Variants in HSD11B1L observed in about 807,000 individuals in gnomAD.
HSD11B1L encodes hydroxysteroid 11-beta-dehydrogenase 1-like protein.
Under a neutral mutation model 27.0 loss-of-function variants are expected in HSD11B1L, and 22 were observed. That is an observed-to-expected ratio of 0.81 (90% confidence interval 0.58 to 1.16). The LOEUF (loss-of-function observed/expected upper bound fraction) is 1.16, where lower values mean the gene tolerates loss of function less well. Ranked by LOEUF, HSD11B1L falls within the 50% of genes most tolerant of loss-of-function variation. HSD11B1L has a pLI of 0.00. For missense variants in HSD11B1L, 372 were observed against 401.8 expected (o/e 0.93, Z 0.63); for synonymous variants, 187 against 189.2 (o/e 0.99, Z 0.09).
At position 5,687,117 on chromosome 19, in the gene HSD11B1L, C is replaced by A; in HGVS notation, c.408+126C>A. ...CCACCCGTCCCGCCCCAGCCACGCC[C>A]CTCCTAGCCCAAGCCCCTGCTCCGG... is the stretch of plus-strand genomic sequence containing the variant. On this transcript the variant is annotated intron_variant, in intron 5 of 7. Coordinates refer to ENST00000339423, the MANE Select transcript of HSD11B1L (RefSeq NM_198706.3). This position sits in a 1 kb window ranked among gnomAD's most constrained non-coding sequence, Gnocchi z 6.6. 1 of 1,122,166 alleles carries A rather than the reference C, an allele frequency of 8.9e-7. No homozygotes were observed. Among genetic ancestry groups the A allele is most frequent in the Non-Finnish European group, 1.3e-6 (1 of 787,698 alleles). 69.5% of individuals were successfully genotyped at this position (1,122,166 alleles called of 1,614,324 possible).
intron 1 of HSD11B1L, chr19:5,684,174 C>A: frequency 2.6e-6 from 1 of 389,096 alleles, no homozygotes. Context: ...TGCCACCGCG[C>A]CCGGCTAATT....
rs368505697 is a variant in HSD11B1L, at chr19:5,687,267, G to A, written c.409-15G>A. 6.2e-7 allele frequency: 1 copy of A among 1,611,372 alleles called. No homozygotes were observed. The highest frequency in any genetic ancestry group is 8.5e-7 in the Non-Finnish European group (1 of 1,179,480). On this transcript the variant is annotated splice_polypyrimidine_tract_variant and intron_variant, in intron 5 of 7. Coordinates refer to ENST00000339423, the MANE Select transcript of HSD11B1L (RefSeq NM_198706.3). This position sits in a 1 kb window ranked among gnomAD's most constrained non-coding sequence, Gnocchi z 6.6. ...GGCTCCGCCTCTGCCGGTGACTCGCGAGTGCCGCCTGCAGGTAAACTTTGT... is the reference window on the plus strand; with the variant it reads ...GGCTCCGCCTCTGCCGGTGACTCGCAAGTGCCGCCTGCAGGTAAACTTTGT...
rs2054727015 is a variant in HSD11B1L, at chr19:5,687,367, C to T, written c.494C>T (p.Ser165Leu). 3.1e-6 allele frequency: 5 copies of T among 1,612,022 alleles called. No individual in the cohort carries two copies. Among genetic ancestry groups the T allele is most frequent in the Non-Finnish European group, 4.2e-6 (5 of 1,179,638 alleles). ...AAGGGCTCCCTGGTGGTGGTGTCCT[C>T]GCTGCTCGGTGCGTGCACCCGGCCC... ...DSKGSLVVVSSLLGRVPTSFS... is the reference protein window; with the variant it reads ...DSKGSLVVVSLLLGRVPTSFS... The change falls in exon 6 of 8, where the codon TCG (serine) becomes TTG (leucine). Residue 165 changes from serine to leucine, a missense_variant. Coordinates refer to ENST00000339423, the MANE Select transcript of HSD11B1L (RefSeq NM_198706.3). The surrounding 1 kb of genome is among the most constrained non-coding windows in gnomAD (Gnocchi z 6.6).
chr19:5,686,610 GC>G, intron 4 of HSD11B1L, 83 bp downstream of exon 4: 1 of 1,097,608 alleles, frequency 9.1e-7, no homozygotes, highest in Non-Finnish European at 1.3e-6. Context: ...TGTGGGTGTG[GC>G]CACAGTAACA....
chr19:5,688,106 G>A lies in HSD11B1L; in HGVS notation c.*161G>A, dbSNP rs1373103477. On this transcript the variant is annotated 3_prime_UTR_variant, in exon 8 of 8. Transcript: ENST00000339423. ...AACCGAGAAAAACGACGGGCACCTG[G>A]AACCAGTCACGGCTTGGGAGGTGCA... 67 of 1,551,408 alleles carry A rather than the reference G, an allele frequency of 4.3e-5. No individual in the cohort carries two copies. The highest frequency in any genetic ancestry group is 5.8e-5 in the Non-Finnish European group (66 of 1,147,010).
rs902910661 is a variant in HSD11B1L at position 5,688,125 on chromosome 19, A to T, written c.*180A>T. On this transcript the variant is annotated 3_prime_UTR_variant, in exon 8 of 8. Coordinates refer to ENST00000339423, the MANE Select transcript of HSD11B1L (RefSeq NM_198706.3). ...CACCTGGAACCAGTCACGGCTTGGGAGGTGCAGGTGCCCCGTGTTAGGCGC... is the reference window on the plus strand; with the variant it reads ...CACCTGGAACCAGTCACGGCTTGGGTGGTGCAGGTGCCCCGTGTTAGGCGC... 3.9e-6 allele frequency: 6 copies of T among 1,551,092 alleles called. No homozygotes were observed. The highest frequency in any genetic ancestry group is 1.7e-4 in the Middle Eastern group (1 of 6,014).
chr19:5,683,960 T>A, intron 1 of HSD11B1L: 1 of 404,844 alleles, frequency 2.5e-6, no homozygotes. Flanking sequence ...TTGAAGGAGG[T>A]CACTGTTCTT....
intron 1 of HSD11B1L, 51 bp from the exon 2 acceptor site, chr19:5,684,768 G>A (rs1471147667): frequency 1.9e-6 from 3 of 1,610,602 alleles, no homozygotes; most frequent in Non-Finnish European, 2.5e-6. Flanking sequence ...AAACACGGGT[G>A]GCTGTGGGCC....
chr19:5,683,236 G>A (rs2054604350), intron 1 of HSD11B1L, among the ~76,000 whole-genome samples: 1 of 148,094 alleles, frequency 6.8e-6, no homozygotes, highest in African/African-American at 2.5e-5. Flanking sequence ...AAAAGAACCT[G>A]GACTGTTTCT....
rs150547719 is a variant in HSD11B1L, at chr19:5,685,966, C to T, written c.205-450C>T. Among the ~76,000 whole-genome samples, 812 of 152,220 alleles carry T rather than the reference C, an allele frequency of 5.3e-3. 6 individuals are homozygous for T. The highest frequency in any genetic ancestry group is 0.019 in the African/African-American group (788 of 41,530). On this transcript the variant is annotated intron_variant, in intron 3 of 7. Coordinates refer to ENST00000339423, the MANE Select transcript of HSD11B1L (RefSeq NM_198706.3). The surrounding 1 kb of genome is among the most constrained non-coding windows in gnomAD (Gnocchi z 4.3). The stretch of plus-strand genomic sequence containing the variant: ...AGGATGTTGTGCCAATGCAGTGAGA[C>T]GGTGACTAGAAGATGCAGTGTTTCT...
chr19:5,687,929 C>T lies in HSD11B1L; in HGVS notation c.845C>T (p.Thr282Met). The T allele has an allele frequency of 6.4e-7, 1 of 1,564,068 alleles. No individual in the cohort carries two copies. Among genetic ancestry groups the T allele is most frequent in the Non-Finnish European group, 8.7e-7 (1 of 1,153,800 alleles). Residue 282 changes from threonine to methionine, a missense_variant, in exon 8 of 8, where the codon ACG becomes ATG. By Grantham distance (81) the Thr-to-Met change is moderately conservative. Transcript: ENST00000339423. This position sits in a 1 kb window ranked among gnomAD's most constrained non-coding sequence, Gnocchi z 6.6. The part of the protein sequence containing the change: ...AWFIRQELNV[T>M]AAAA ...TTTATCCGCCAGGAGCTCAACGTCA[C>T]GGCCGCGGCAGCCTGAGCACCGGGG...
intron 1 of HSD11B1L, among the ~76,000 whole-genome samples, chr19:5,681,473 C>A (rs974399579): frequency 7.9e-5 from 12 of 152,120 alleles, no homozygotes; most frequent in Non-Finnish European, 1.5e-5. Flanking sequence ...ATCTGGCCAT[C>A]CACCCATCTA....
chr19:5,682,810 CTTTTTTTTTTTTTTT>C (rs5826895), intron 1 of HSD11B1L, among the ~76,000 whole-genome samples: 3 of 95,380 alleles, frequency 3.1e-5, no homozygotes, highest in Non-Finnish European at 6.2e-5. Flanking sequence ...GTCCCATTGA[CTTTTTTTTTTTTTTT>C]TTTTTTTTTT....
chr19:5,681,538 C>T (rs186050983), intron 1 of HSD11B1L, among the ~76,000 whole-genome samples: 90 of 152,074 alleles, frequency 5.9e-4, no homozygotes, highest in Admixed American at 1.0e-3. Flanking sequence ...CCCATCCATT[C>T]ATCCATCTGC....
chr19:5,683,899 TA>T (rs950240124), intron 1 of HSD11B1L: 166 of 257,076 alleles, frequency 6.5e-4, no homozygotes, highest in East Asian at 1.0e-3. Flanking sequence ...GCCTCAAAAA[TA>T]AAAAAAAATA....
rs1004790491 is a variant in HSD11B1L, at chr19:5,687,530, C to G, written c.530C>G (p.Pro177Arg). The G allele has an allele frequency of 1.9e-6, 3 of 1,599,668 alleles. No individual in the cohort carries two copies. Among genetic ancestry groups the G allele is most frequent in the Middle Eastern group, 1.7e-4 (1 of 5,888 alleles). Reference protein sequence around the residue: ...LGRVPTSFSTPYSAAKFALDG... With the variant: ...LGRVPTSFSTRYSAAKFALDG... Reference sequence around the variant, plus strand: ...CGCGTGCCCACGTCGTTCTCCACTCCCTACTCGGCGGCCAAGTTTGCGCTG... The same window carrying G: ...CGCGTGCCCACGTCGTTCTCCACTCGCTACTCGGCGGCCAAGTTTGCGCTG... The change falls in exon 7 of 8, where the codon CCC (proline) becomes CGC (arginine). Residue 177 changes from proline (P) to arginine (R), a missense_variant. By Grantham distance (103) the Pro-to-Arg change is moderately radical. Transcript: ENST00000339423. The surrounding 1 kb of genome is among the most constrained non-coding windows in gnomAD (Gnocchi z 6.6).
Position 5,687,977 on chromosome 19 carries a change from G to A in HSD11B1L, c.*32G>A, listed in dbSNP as rs368644338. 1 of 1,553,354 alleles carries A rather than the reference G, an allele frequency of 6.4e-7. No individual in the cohort carries two copies. The highest frequency in any genetic ancestry group is 8.7e-7 in the Non-Finnish European group (1 of 1,147,902). The stretch of plus-strand genomic sequence containing the variant: ...GGGGGTGCCCCTCCAGTCCCAGACG[G>A]CAATGTTCCTCCCTCCAACTGTCCC... On this transcript the variant is annotated 3_prime_UTR_variant, in exon 8 of 8. Transcript: ENST00000339423. This position sits in a 1 kb window ranked among gnomAD's most constrained non-coding sequence, Gnocchi z 6.6.
At position 5,686,480 on chromosome 19, in the gene HSD11B1L, C is replaced by G. The variant is rs929073957; in HGVS notation, c.269C>G (p.Ser90Cys). 1 of 1,587,324 alleles carries G rather than the reference C, an allele frequency of 6.3e-7. No homozygotes were observed. Among genetic ancestry groups the G allele is most frequent in the Non-Finnish European group, 8.6e-7 (1 of 1,168,814 alleles). The change falls in exon 4 of 8, where the codon TCC (serine) becomes TGC (cysteine). Residue 90 changes from serine to cysteine, a missense_variant. Ser to Cys is a moderately radical substitution (Grantham distance 112). Coordinates refer to ENST00000339423, the MANE Select transcript of HSD11B1L (RefSeq NM_198706.3). ...TTCTACATCGCGGCGGACATGGCCTCCCCTGAGGCGCCCGAGAGCGTGGTG... is the reference window on the plus strand; with the variant it reads ...TTCTACATCGCGGCGGACATGGCCTGCCCTGAGGCGCCCGAGAGCGTGGTG... ...KVFYIAADMA[S>C]PEAPESVVQF...
chr19:5,683,223 A>C (rs1410075721), intron 1 of HSD11B1L, among the ~76,000 whole-genome samples: 3 of 151,306 alleles, frequency 2.0e-5, no homozygotes, highest in Non-Finnish European at 4.4e-5. Context: ...AAAAAAAAAA[A>C]AAAAAAGAAC....
Sources: allele counts gnomAD v4.1 joint callset (sites outside exome capture counted in the v4.1 genomes callset), GRCh38; gene constraint gnomAD v4.1.1; non-coding constraint Gnocchi (gnomAD v3.1); transcripts MANE v1.5; gene names NCBI Gene and HGNC (gene_info 2026-07-23, HGNC 2026-07-21).